Variants in USH2A observed in about 807,000 individuals in gnomAD.
USH2A encodes Usher syndrome 2A (autosomal recessive, mild).
Under a neutral mutation model 538.9 loss-of-function variants are expected in USH2A, and 443 were observed. The observed-to-expected ratio is 0.82, with a 90% CI of 0.76 to 0.89. USH2A has a LOEUF of 0.89. Among genes scored for constraint, USH2A ranks in the 40% least tolerant of loss-of-function variants. USH2A has a pLI of 0.00. For missense variants in USH2A, 6,633 were observed against 6,324.8 expected (o/e 1.05, Z -1.65); for synonymous variants, 2,413 against 2,273.5 (o/e 1.06, Z -1.75).
chr1:216,140,516 T>C lies in USH2A; in HGVS notation c.4627+34736A>G, dbSNP rs1225235247. Among the ~76,000 whole-genome samples, 3 of 152,142 alleles carry C rather than the reference T, an allele frequency of 2.0e-5. No homozygotes were observed. In the East Asian group the frequency reaches 5.8e-4, roughly 29 times the overall value. On this transcript the variant is annotated intron_variant, in intron 21 of 71. Coordinates refer to ENST00000307340, the MANE Select transcript of USH2A (RefSeq NM_206933.4). ...GTGGCTGGCCCTATGAGTGCAGCCA[T>C]AATAAAGCCAAGTAATTCAATATCC...
chr1:215,698,236 A>G (rs552034879), intron 61 of USH2A, among the ~76,000 whole-genome samples: 1 of 152,242 alleles, frequency 6.6e-6, no homozygotes, highest in South Asian at 2.1e-4. Context: ...ATTGATGGGC[A>G]TTTGGGTTGG....
rs559601146 is a variant in USH2A at position 216,106,706 on chromosome 1, T to C, written c.4628-9493A>G. Reference sequence around the variant, plus strand: ...TTTTTTTCATTTCTTATTACTTTGGTCTTAATTTGTTCTTTTTTGCCTGTT... The same window carrying C: ...TTTTTTTCATTTCTTATTACTTTGGCCTTAATTTGTTCTTTTTTGCCTGTT... On this transcript the variant is annotated intron_variant, in intron 21 of 71. Coordinates refer to ENST00000307340, the MANE Select transcript of USH2A (RefSeq NM_206933.4). Among the ~76,000 whole-genome samples, 9 of 151,820 alleles carry C rather than the reference T, an allele frequency of 5.9e-5. No homozygotes were observed. The South Asian group carries it at 1.9e-3, about 31-fold the overall frequency.
At chr1:216,015,128 T>C (rs986577190) in intron 32 of USH2A, among the ~76,000 whole-genome samples, 4 of 152,204 alleles carry the variant, frequency 2.6e-5, no homozygotes, top group African/African-American at 9.7e-5. Context: ...AAATCATCAA[T>C]TAGATGTTTA....
At chr1:216,345,273 G>T (rs1042249258) in intron 4 of USH2A, among the ~76,000 whole-genome samples, 11 of 152,034 alleles carry the variant, frequency 7.2e-5, no homozygotes, top group Non-Finnish European at 8.8e-5. Context: ...TGATGACAGG[G>T]TCCAACCAGG....
intron 3 of USH2A, among the ~76,000 whole-genome samples, chr1:216,393,493 A>T: frequency 6.6e-6 from 1 of 152,170 alleles, no homozygotes; most frequent in East Asian, 1.9e-4. Context: ...GGTGATTTAG[A>T]TCACTGGTTA....
At chr1:216,159,746 T>C (rs1186253668) in intron 21 of USH2A, among the ~76,000 whole-genome samples, 1 of 152,170 alleles carries the variant, frequency 6.6e-6, no homozygotes. Flanking sequence ...TTATTTCTAC[T>C]GTAATTGTTT....
chr1:215,653,674 C>T (rs931103992), intron 64 of USH2A, among the ~76,000 whole-genome samples: 2 of 152,172 alleles, frequency 1.3e-5, no homozygotes, highest in Admixed American at 6.5e-5. Context: ...GTCTCTCTGT[C>T]TTTGTCTCTG....
At chr1:216,154,081 C>T (rs1274690773) in intron 21 of USH2A, among the ~76,000 whole-genome samples, 1 of 152,122 alleles carries the variant, frequency 6.6e-6, no homozygotes, top group Non-Finnish European at 1.5e-5. Flanking sequence ...AAGGCAATAA[C>T]TGGTCAACTG....
At chr1:215,978,777 G>T (rs779216551) in intron 35 of USH2A, among the ~76,000 whole-genome samples, 2 of 152,126 alleles carry the variant, frequency 1.3e-5, no homozygotes, top group Non-Finnish European at 1.5e-5. Flanking sequence ...TTCCACATAC[G>T]GTAGTGGGGA....
rs184531676 is a variant in USH2A, at chr1:215,712,718, T to C, written c.12066+15312A>G. ...CTAACATATTTAGTGAAGAAATCCATACTTTTGGGAAAGGGGTATTAGGGA... is the reference window on the plus strand; with the variant it reads ...CTAACATATTTAGTGAAGAAATCCACACTTTTGGGAAAGGGGTATTAGGGA... On this transcript the variant is annotated intron_variant, in intron 61 of 71. Coordinates refer to ENST00000307340, the MANE Select transcript of USH2A (RefSeq NM_206933.4). 1.6e-4 allele frequency among the ~76,000 whole-genome samples: 24 copies of C among 152,296 alleles called. No homozygotes were observed. The East Asian group carries it at 4.6e-3, about 29-fold the overall frequency.
intron 30 of USH2A, among the ~76,000 whole-genome samples, chr1:216,060,383 A>G (rs1313196505): frequency 6.6e-6 from 1 of 152,146 alleles, no homozygotes; most frequent in Non-Finnish European, 1.5e-5. Context: ...TTTCAGTATG[A>G]AACCCACTTC....
At chr1:215,840,298 A>G (rs1288097712) in intron 46 of USH2A, among the ~76,000 whole-genome samples, 1 of 151,970 alleles carries the variant, frequency 6.6e-6, no homozygotes, top group Non-Finnish European at 1.5e-5. Flanking sequence ...TTCCAATCAA[A>G]TGCTTATTTT....
At chr1:216,124,344 T>C (rs897537751) in intron 21 of USH2A, among the ~76,000 whole-genome samples, 6 of 151,734 alleles carry the variant, frequency 4.0e-5, no homozygotes, top group African/African-American at 1.5e-4. Context: ...ACACAGTAAG[T>C]TGGAAATCCT....
At chr1:216,199,574 G>T in intron 17 of USH2A, 53 bp downstream of exon 17, 1 of 1,612,322 alleles carries the variant, frequency 6.2e-7, no homozygotes, top group East Asian at 2.2e-5. Context: ...AATTACAATA[G>T]ATTCTCATTC....
At chr1:216,050,561 T>C (rs1234128925) in intron 30 of USH2A, among the ~76,000 whole-genome samples, 1 of 12,162 alleles carries the variant, frequency 8.2e-5, no homozygotes, top group African/African-American at 2.2e-4. Flanking sequence ...TTTGTATCTT[T>C]TTCTTTCTTT....
At chr1:215,942,170 AT>A (rs1170997537) in intron 37 of USH2A, among the ~76,000 whole-genome samples, 3 of 152,050 alleles carry the variant, frequency 2.0e-5, no homozygotes, top group Admixed American at 6.6e-5. Context: ...GAGGGTCTCA[AT>A]TTTTTCTGGC....
chr1:216,227,788 T>G (rs1330050098), intron 14 of USH2A, among the ~76,000 whole-genome samples: 1 of 152,148 alleles, frequency 6.6e-6, no homozygotes, highest in African/African-American at 2.4e-5. Context: ...CTGAGGAGAC[T>G]GGTAGGAGTT....
At chr1:216,420,513 C>T (rs1007649608) in intron 2 of USH2A, among the ~76,000 whole-genome samples, 2 of 152,044 alleles carry the variant, frequency 1.3e-5, no homozygotes, top group African/African-American at 2.4e-5. Context: ...AAAATGGAAA[C>T]GACCTTGATA....
At position 216,421,871 on chromosome 1, in the gene USH2A, G is replaced by T; in HGVS notation, c.466C>A (p.Pro156Thr). 6.2e-7 allele frequency: 1 copy of T among 1,613,886 alleles called. No individual in the cohort carries two copies. The highest frequency in any genetic ancestry group is 8.5e-7 in the Non-Finnish European group (1 of 1,179,886). The change falls in exon 2 of 72, where the codon CCT becomes ACT. Residue 156 changes from proline to threonine, a missense_variant. Transcript: ENST00000307340. ...ASFTLAVWLK[P>T]EQQGVMCVIE... ...ACTTACATTACACCTTGTTGCTCAG[G>T]TTTCAGCCATACAGCTAAGGTAAAT...
Sources: allele counts gnomAD v4.1 joint callset (sites outside exome capture counted in the v4.1 genomes callset), GRCh38; gene constraint gnomAD v4.1.1; transcripts MANE v1.5; gene names NCBI Gene and HGNC (gene_info 2026-07-23, HGNC 2026-07-21).